Variants in CDH13 observed in about 807,000 individuals in gnomAD.
CDH13 encodes the protein cadherin-13.
CDH13 carries 24 observed loss-of-function variants against 63.8 expected under a neutral mutation model. That is an observed-to-expected ratio of 0.38 (90% CI 0.27 to 0.53). The LOEUF is 0.53. Among genes scored for constraint, CDH13 ranks in the 20% least tolerant of loss-of-function variants. The pLI is 0.85. For synonymous variants in CDH13, 503 were observed against 355.3 expected, an observed-to-expected ratio of 1.42 and a Z score of -4.67; for missense variants, 1,049 against 903.1, an observed-to-expected ratio of 1.16 and a Z score of -2.07.
intron 7 of CDH13, among the ~76,000 whole-genome samples, chr16:83,501,155 C>G (rs2074275466): frequency 6.6e-6 from 1 of 152,210 alleles, no homozygotes; most frequent in Non-Finnish European, 1.5e-5. Context: ...TCCACAAATT[C>G]CAACAGGCAA....
chr16:83,096,577 A>G (rs1195963080), intron 3 of CDH13, among the ~76,000 whole-genome samples: 1 of 152,188 alleles, frequency 6.6e-6, no homozygotes, highest in Non-Finnish European at 1.5e-5. Flanking sequence ...CTCAGGACTG[A>G]GTATCTCTGC....
chr16:82,735,107 C>T (rs1332872418), intron 1 of CDH13, among the ~76,000 whole-genome samples: 1 of 152,158 alleles, frequency 6.6e-6, no homozygotes, highest in Non-Finnish European at 1.5e-5. Flanking sequence ...TCTCCATGGC[C>T]TAAGATCACC....
intron 5 of CDH13, among the ~76,000 whole-genome samples, chr16:83,275,081 T>C (rs2088944502): frequency 6.6e-6 from 1 of 152,174 alleles, no homozygotes; most frequent in Non-Finnish European, 1.5e-5. Context: ...GCAGGGATCG[T>C]TGGTCACTCC....
chr16:83,486,798 A>G, intron 7 of CDH13, 143 bp downstream of exon 7: 1 of 735,624 alleles, frequency 1.4e-6, no homozygotes, highest in Non-Finnish European at 2.2e-6. Flanking sequence ...GGTGGGGAAA[A>G]TCTATAAAGG....
At chr16:83,048,752 G>A (rs753962776) in intron 3 of CDH13, among the ~76,000 whole-genome samples, 7 of 151,580 alleles carry the variant, frequency 4.6e-5, no homozygotes, top group Admixed American at 2.6e-4. Flanking sequence ...TCTTCATTTC[G>A]CATTTCCCCT....
chr16:83,690,059 G>A (rs34220847), intron 10 of CDH13, among the ~76,000 whole-genome samples: 24,556 of 151,578 alleles, frequency 0.16, 2,139 homozygotes, highest in African/African-American at 0.25. Context: ...TGTAATCCCA[G>A]CTACTTGGGA....
chr16:82,847,161 A>G (rs1431100937), intron 1 of CDH13, among the ~76,000 whole-genome samples: 2 of 152,190 alleles, frequency 1.3e-5, no homozygotes, highest in African/African-American at 4.8e-5. Context: ...AAGGGAACCC[A>G]TATTTTCTGA....
chr16:83,102,612 C>G (rs557877112), intron 3 of CDH13, among the ~76,000 whole-genome samples: 35 of 152,212 alleles, frequency 2.3e-4, no homozygotes, highest in African/African-American at 8.2e-4. Context: ...GGGACATCAC[C>G]CAGTTCACGT....
intron 5 of CDH13, among the ~76,000 whole-genome samples, chr16:83,237,097 C>A (rs1424474568): frequency 6.6e-6 from 1 of 152,136 alleles, no homozygotes; most frequent in Non-Finnish European, 1.5e-5. Context: ...CCGCCACATT[C>A]TTCAGGGTGG....
intron 8 of CDH13, among the ~76,000 whole-genome samples, chr16:83,634,403 CT>C (rs36010432): frequency 0.34 from 47,581 of 140,812 alleles, 7,745 homozygotes; most frequent in Middle Eastern, 0.41. Context: ...GATATTAACT[CT>C]TTTTTTTTTT....
intron 7 of CDH13, among the ~76,000 whole-genome samples, chr16:83,565,383 CTTTTT>C (rs369127310): frequency 1.4e-4 from 18 of 130,612 alleles, no homozygotes; most frequent in African/African-American, 5.2e-4. Flanking sequence ...TTCCACTGTT[CTTTTT>C]TTTTTTTTTT....
At chr16:83,542,014 G>A (rs1293785315) in intron 7 of CDH13, among the ~76,000 whole-genome samples, 1 of 152,200 alleles carries the variant, frequency 6.6e-6, no homozygotes. Flanking sequence ...TAATGTGTTA[G>A]CGTTGTCTGA....
At chr16:83,329,402 T>G (rs1263084124) in intron 5 of CDH13, among the ~76,000 whole-genome samples, 4 of 45,844 alleles carry the variant, frequency 8.7e-5, no homozygotes, top group Non-Finnish European at 2.2e-4. Context: ...ATTTTTGTAT[T>G]TTTTTTTTTT....
At chr16:83,613,941 C>G (rs1389148444) in intron 8 of CDH13, among the ~76,000 whole-genome samples, 1 of 151,930 alleles carries the variant, frequency 6.6e-6, no homozygotes, top group African/African-American at 2.4e-5. Flanking sequence ...TACATTTTAC[C>G]TATTTTCATG....
At chr16:82,781,872 T>C (rs1265298886) in intron 1 of CDH13, among the ~76,000 whole-genome samples, 1 of 152,214 alleles carries the variant, frequency 6.6e-6, no homozygotes, top group Non-Finnish European at 1.5e-5. Context: ...TACACAACAG[T>C]GTGCTCAGTG....
At chr16:82,667,574 G>A (rs12926817) in intron 1 of CDH13, among the ~76,000 whole-genome samples, 8,105 of 152,176 alleles carry the variant, frequency 0.053, 251 homozygotes, top group Middle Eastern at 0.15. Flanking sequence ...TGGCAAGGGC[G>A]GAGAGGCTCT....
intron 3 of CDH13, among the ~76,000 whole-genome samples, chr16:83,085,868 G>A (rs1020568308): frequency 6.6e-6 from 1 of 152,214 alleles, no homozygotes; most frequent in Admixed American, 6.5e-5. Context: ...TTTTGCCAGA[G>A]TAAACAAAGA....
At chr16:83,376,976 G>A (rs2091471395) in intron 6 of CDH13, among the ~76,000 whole-genome samples, 1 of 152,046 alleles carries the variant, frequency 6.6e-6, no homozygotes, top group African/African-American at 2.4e-5. Flanking sequence ...CTATATGAAA[G>A]GGCCTTGAAG....
intron 5 of CDH13, among the ~76,000 whole-genome samples, chr16:83,289,927 G>C (rs1489276303): frequency 6.6e-6 from 1 of 152,082 alleles, no homozygotes; most frequent in Non-Finnish European, 1.5e-5. Context: ...TCTATAGCCA[G>C]CACCCAGATT....
Sources: gnomAD v4.1 joint callset for allele counts (sites outside exome capture counted in the v4.1 genomes callset) on GRCh38, gnomAD v4.1.1 for gene constraint, MANE v1.5 for transcripts, NCBI Gene and HGNC (gene_info 2026-07-23, HGNC 2026-07-21) for gene names.